IKZF2: variants seen among roughly 807,000 people sequenced by gnomAD.
IKZF2 encodes the protein zinc finger protein Helios.
In IKZF2, 15 loss-of-function variants were observed where a neutral mutation model predicts 49.2. The ratio of observed to expected loss-of-function variants is 0.30; its 90% CI spans 0.20 to 0.47. The LOEUF is 0.47. IKZF2 is among the 20% of genes least tolerant of loss of function. The pLI is 1.00. For missense variants in IKZF2, 567 were observed against 664.6 expected (o/e 0.85, Z 1.61); for synonymous variants, 227 against 221.4 (o/e 1.03, Z -0.23).
intron 6 of IKZF2, among the ~76,000 whole-genome samples, chr2:213,034,853 G>A (rs956973824): frequency 4.6e-5 from 7 of 152,146 alleles, no homozygotes; most frequent in African/African-American, 1.4e-4. Context: ...TGTAAAAAAC[G>A]CAGTTATCTG....
chr2:213,095,716 A>G (rs149475085), intron 4 of IKZF2, among the ~76,000 whole-genome samples: 6 of 152,070 alleles, frequency 3.9e-5, no homozygotes, highest in African/African-American at 1.4e-4. Context: ...GAAAAGTTGA[A>G]CAAATTAACA....
chr2:213,080,314 A>G (rs1703808013), intron 4 of IKZF2, among the ~76,000 whole-genome samples: 1 of 152,148 alleles, frequency 6.6e-6, no homozygotes, highest in African/African-American at 2.4e-5. Flanking sequence ...TAAAGTTGGA[A>G]ATTACTTTAA....
Position 213,006,596 on chromosome 2 carries a change from T to C in IKZF2, c.*764A>G, listed in dbSNP as rs1226672909. Reference sequence around the variant, plus strand: ...TTCTGAAAACTACATAAAAATACTATTCCTTAAAGGTGTTAAAAGTAAGGC... The same window carrying C: ...TTCTGAAAACTACATAAAAATACTACTCCTTAAAGGTGTTAAAAGTAAGGC... On this transcript the variant is annotated 3_prime_UTR_variant, in exon 9 of 9. Transcript: ENST00000434687. 5.2e-5 allele frequency: 8 copies of C among 152,404 alleles called. No individual in the cohort carries two copies. Among genetic ancestry groups the C allele is most frequent in the Non-Finnish European group, 8.8e-5 (6 of 67,988 alleles). 9.4% of individuals were successfully genotyped at this position (152,404 alleles called of 1,614,324 possible).
chr2:213,138,751 C>T (rs1178866261), intron 4 of IKZF2, among the ~76,000 whole-genome samples: 1 of 152,032 alleles, frequency 6.6e-6, no homozygotes, highest in Non-Finnish European at 1.5e-5. Flanking sequence ...AGACAGCTTT[C>T]CTACTAACTA....
At chr2:213,053,268 A>G (rs1035093912) in intron 5 of IKZF2, among the ~76,000 whole-genome samples, 5 of 152,164 alleles carry the variant, frequency 3.3e-5, no homozygotes, top group African/African-American at 7.2e-5. Context: ...CTTCATGTCC[A>G]TATCTCAATC....
intron 3 of IKZF2, 45 bp from the exon 4 acceptor site, chr2:213,147,857 A>G (rs1465562320): frequency 1.4e-6 from 2 of 1,406,214 alleles, no homozygotes; most frequent in Non-Finnish European, 2.0e-6. Context: ...TCATTGTCAC[A>G]TAAGATGTAA....
At chr2:213,128,563 C>A (rs1321071109) in intron 4 of IKZF2, among the ~76,000 whole-genome samples, 1 of 152,058 alleles carries the variant, frequency 6.6e-6, no homozygotes, top group East Asian at 1.9e-4. Flanking sequence ...CACCCCAAAA[C>A]ATAAGAGTGT....
At chr2:213,121,410 T>C (rs147428036) in intron 4 of IKZF2, among the ~76,000 whole-genome samples, 1 of 152,332 alleles carries the variant, frequency 6.6e-6, no homozygotes, top group East Asian at 1.9e-4. Context: ...GCTTCCTATC[T>C]TAGGCAAATC....
At chr2:213,029,124 T>C (rs1249100121) in intron 6 of IKZF2, among the ~76,000 whole-genome samples, 1 of 152,014 alleles carries the variant, frequency 6.6e-6, no homozygotes, top group Admixed American at 6.6e-5. Context: ...TTATGCAGTA[T>C]TTTTTTCTTG....
chr2:213,127,799 A>G (rs1158579358), intron 4 of IKZF2, among the ~76,000 whole-genome samples: 4 of 152,222 alleles, frequency 2.6e-5, no homozygotes, highest in Non-Finnish European at 5.9e-5. Flanking sequence ...CTAAAGAATT[A>G]TAACTGCAAT....
At chr2:213,046,150 T>C (rs1700134867) in intron 6 of IKZF2, among the ~76,000 whole-genome samples, 1 of 152,150 alleles carries the variant, frequency 6.6e-6, no homozygotes, top group Non-Finnish European at 1.5e-5. Context: ...GTTAAGACTG[T>C]GTACTGGGCC....
chr2:213,013,806 G>A lies in IKZF2; in HGVS notation c.841C>T (p.Pro281Ser), dbSNP rs1287873856. ...GNMGKRKSST[P>S]QKFVGEKLMR... is the part of the protein sequence containing the mutation. ...TAATGCTTACCCACAAACTTTTGTG[G>A]AGTGGAGCTTTTACGTTTTCCCATA... Residue 281 changes from proline to serine, a missense_variant, in exon 8 of 9, where the codon CCA becomes TCA. By Grantham distance (74) the Pro-to-Ser change is moderately conservative. Around this residue, in one of 5 missense-constraint regions of IKZF2, gnomAD observed 310 missense variants for 326.9 expected, o/e 0.95. Transcript: ENST00000434687. 2 of 1,610,334 alleles carry A rather than the reference G, an allele frequency of 1.2e-6. No individual in the cohort carries two copies. The highest frequency in any genetic ancestry group is 8.5e-7 in the Non-Finnish European group (1 of 1,177,950).
rs1391849055 is a variant in IKZF2 at position 213,005,452 on chromosome 2, G to A, written c.*1908C>T. 1 of 151,924 alleles carries A rather than the reference G, an allele frequency of 6.6e-6. No individual in the cohort carries two copies. The highest frequency in any genetic ancestry group is 1.5e-5 in the Non-Finnish European group (1 of 67,962). The allele number at this position is 151,924 out of a possible 1,614,324, so 9.4% of individuals were successfully genotyped here. A position where few individuals can be genotyped will look rare whatever the true frequency, so the allele number is the denominator to read the frequency against. On this transcript the variant is annotated 3_prime_UTR_variant, in exon 9 of 9. Transcript: ENST00000434687. ...TGTTAGTGCTTAGAAGTGCTTAGCTGGTGCCTACCATTTAAATAGCAAATA... is the reference window on the plus strand; with the variant it reads ...TGTTAGTGCTTAGAAGTGCTTAGCTAGTGCCTACCATTTAAATAGCAAATA...
chr2:213,133,545 A>T (rs965929829), intron 4 of IKZF2, among the ~76,000 whole-genome samples: 6 of 152,082 alleles, frequency 3.9e-5, no homozygotes, highest in Admixed American at 6.6e-5. Context: ...AGCCTGACCA[A>T]CATGGTAAAA....
chr2:213,049,989 C>G (rs770219874), intron 5 of IKZF2, 109 bp from the exon 6 acceptor site: 25 of 702,222 alleles, frequency 3.6e-5, no homozygotes, highest in Non-Finnish European at 1.5e-5. Flanking sequence ...ATGTTCATCT[C>G]CCTCATAAGT....
chr2:213,133,977 A>C (rs1005069705), intron 4 of IKZF2, among the ~76,000 whole-genome samples: 12 of 152,184 alleles, frequency 7.9e-5, no homozygotes, highest in Non-Finnish European at 1.3e-4. Context: ...GGGCTTAGTA[A>C]ACCTTTTCTT....
At chr2:213,035,569 G>A (rs767828123) in intron 6 of IKZF2, among the ~76,000 whole-genome samples, 13 of 152,192 alleles carry the variant, frequency 8.5e-5, no homozygotes, top group Admixed American at 5.2e-4. Context: ...ACTAACATCT[G>A]AAAGATAATA....
At chr2:213,083,382 ACCTT>A (rs1704183497) in intron 4 of IKZF2, among the ~76,000 whole-genome samples, 1 of 116,662 alleles carries the variant, frequency 8.6e-6, no homozygotes, top group African/African-American at 4.5e-5. Context: ...AGGACGGCGA[ACCTT>A]TTTTTTTTTT....
intron 4 of IKZF2, among the ~76,000 whole-genome samples, chr2:213,137,737 CA>C (rs1473302331): frequency 1.3e-5 from 2 of 151,850 alleles, no homozygotes; most frequent in African/African-American, 4.8e-5. Flanking sequence ...TATTTTTAAA[CA>C]ACAAAACAAG....
Sources: allele counts gnomAD v4.1 joint callset (sites outside exome capture counted in the v4.1 genomes callset), GRCh38; gene constraint gnomAD v4.1.1; regional missense constraint gnomAD v4.1.1; transcripts MANE v1.5; gene names NCBI Gene and HGNC (gene_info 2026-07-23, HGNC 2026-07-21).